SLC25A13: variants seen among roughly 807,000 people sequenced by gnomAD.
The protein encoded by SLC25A13 is solute carrier family 25 member 13, also known as electrogenic aspartate/glutamate antiporter SLC25A13, mitochondrial.
SLC25A13 carries 70 observed loss-of-function variants against 85.5 expected under a neutral mutation model. The observed-to-expected ratio is 0.82, with a 90% confidence interval of 0.68 to 1.00. The LOEUF is 1.00. Among genes scored for constraint, SLC25A13 ranks in the 50% least tolerant of loss-of-function variants. SLC25A13 has a pLI of 0.00. For synonymous variants in SLC25A13, 259 were observed against 288.7 expected, an observed-to-expected ratio of 0.90 and a Z score of 1.04; for missense variants, 765 against 819.8, an observed-to-expected ratio of 0.93 and a Z score of 0.82.
Position 96,133,858 on chromosome 7 carries a change from T to C in SLC25A13, c.1453-1977A>G, listed in dbSNP as rs1792145080. On this transcript the variant is annotated intron_variant, in intron 14 of 17. Transcript: ENST00000265631. The stretch of plus-strand genomic sequence containing the variant: ...AATCGCTTGAACCCGGAGGTGGAGG[T>C]TGTAGTGAGCTGAGATCATGCCACT... 2.0e-5 allele frequency among the ~76,000 whole-genome samples: 3 copies of C among 149,128 alleles called. No individual in the cohort carries two copies. The South Asian group carries it at 6.8e-4, about 34-fold the overall frequency.
At position 96,308,524 on chromosome 7, in the gene SLC25A13, T is replaced by C. The variant is rs575160883; in HGVS notation, c.16-11573A>G. 6.7e-4 allele frequency among the ~76,000 whole-genome samples: 102 copies of C among 152,340 alleles called. 1 individual carries two copies. Among genetic ancestry groups the C allele is most frequent in the African/African-American group, 2.4e-3 (98 of 41,582 alleles). On this transcript the variant is annotated intron_variant, in intron 1 of 17. Transcript: ENST00000265631. ...AGCAACAAAAATTAAACTGGCTCCC[T>C]ACCTTTCATCTTATACCAAAAGAAC...
chr7:96,151,098 G>T (rs1186810373), intron 13 of SLC25A13, among the ~76,000 whole-genome samples: 1 of 152,134 alleles, frequency 6.6e-6, no homozygotes, highest in Non-Finnish European at 1.5e-5. Context: ...GTGTGATTAG[G>T]ATTTTGGTAG....
intron 10 of SLC25A13, chr7:96,184,664 G>A (rs1794555300): frequency 4.7e-6 from 3 of 634,426 alleles, no homozygotes; most frequent in Non-Finnish European, 8.2e-6. Context: ...AAGGCACATT[G>A]CTACAGCCCA....
chr7:96,200,072 AG>A (rs1795196691), intron 5 of SLC25A13, among the ~76,000 whole-genome samples: 1 of 152,138 alleles, frequency 6.6e-6, no homozygotes, highest in Admixed American at 6.5e-5. Flanking sequence ...TATATTATAA[AG>A]CCAAAAATGC....
At chr7:96,192,899 AGT>A in intron 6 of SLC25A13, 136 bp downstream of exon 6, 1 of 940,842 alleles carries the variant, frequency 1.1e-6, no homozygotes. Flanking sequence ...TCTTTGTTTG[AGT>A]TTAGTAATGT....
At chr7:96,219,267 A>ATTC (rs1486285136) in intron 4 of SLC25A13, among the ~76,000 whole-genome samples, 1 of 152,182 alleles carries the variant, frequency 6.6e-6, no homozygotes, top group Non-Finnish European at 1.5e-5. Flanking sequence ...TATTATTATT[A>ATTC]TTCTGAACAT....
intron 3 of SLC25A13, among the ~76,000 whole-genome samples, chr7:96,273,872 A>C (rs1429008832): frequency 6.6e-6 from 1 of 152,212 alleles, no homozygotes; most frequent in Non-Finnish European, 1.5e-5. Context: ...TGAAAAAACA[A>C]CTAGATTTTC....
intron 4 of SLC25A13, among the ~76,000 whole-genome samples, chr7:96,221,972 T>C (rs1175366070): frequency 6.6e-6 from 1 of 152,228 alleles, no homozygotes; most frequent in Non-Finnish European, 1.5e-5. Context: ...GTTCTGTGGG[T>C]TTTGTTTAGT....
chr7:96,308,807 C>A (rs974799025), intron 1 of SLC25A13, among the ~76,000 whole-genome samples: 1 of 152,110 alleles, frequency 6.6e-6, no homozygotes, highest in African/African-American at 2.4e-5. Context: ...ATAGATAGGA[C>A]AAAGGGGCAA....
In SLC25A13 at chr7:96,184,443, TAAACAATATCATTATCTCAGAA is replaced by T; in HGVS notation, c.1019-30_1019-9del. 6.2e-7 allele frequency: 1 copy of T among 1,613,518 alleles called. No homozygotes were observed. Among genetic ancestry groups the T allele is most frequent in the Non-Finnish European group, 8.5e-7 (1 of 1,179,580 alleles). ...CAGCAGTGGCTCCAACAGCTAAAATTAAACAATATCATTATCTCAGAAGAAAGTAAGATAGGTCAGAAGAAAG... is the reference window on the plus strand; with the variant it reads ...CAGCAGTGGCTCCAACAGCTAAAATTGAAAGTAAGATAGGTCAGAAGAAAG... On this transcript the variant is annotated splice_polypyrimidine_tract_variant and intron_variant, in intron 10 of 17. Coordinates refer to ENST00000265631, the MANE Select transcript of SLC25A13 (RefSeq NM_014251.3).
At chr7:96,199,060 T>C (rs978017597) in intron 5 of SLC25A13, among the ~76,000 whole-genome samples, 2 of 152,242 alleles carry the variant, frequency 1.3e-5, no homozygotes, top group African/African-American at 4.8e-5. Context: ...GTGCATGCTA[T>C]GTCCCAGGGA....
intron 7 of SLC25A13, among the ~76,000 whole-genome samples, chr7:96,190,714 G>C: frequency 6.6e-6 from 1 of 152,056 alleles, no homozygotes; most frequent in East Asian, 1.9e-4. Flanking sequence ...CCAGGTTCAA[G>C]CGATTCTTCT....
At chr7:96,127,613 T>C (rs915898189) in intron 15 of SLC25A13, among the ~76,000 whole-genome samples, 4 of 152,206 alleles carry the variant, frequency 2.6e-5, no homozygotes, top group African/African-American at 7.2e-5. Flanking sequence ...TATCTAAACA[T>C]AGAAAGCGTG....
chr7:96,252,435 T>C (rs780107094), intron 3 of SLC25A13, among the ~76,000 whole-genome samples: 11 of 152,154 alleles, frequency 7.2e-5, no homozygotes, highest in Non-Finnish European at 1.5e-4. Context: ...CTCAGGAGCC[T>C]AGGTCAGGAC....
At chr7:96,198,304 G>T (rs1795137027) in intron 5 of SLC25A13, among the ~76,000 whole-genome samples, 1 of 152,158 alleles carries the variant, frequency 6.6e-6, no homozygotes, top group East Asian at 1.9e-4. Flanking sequence ...AAAAAACAGT[G>T]GCTTTGATTT....
intron 1 of SLC25A13, 35 bp from the exon 2 acceptor site, chr7:96,296,986 A>T (rs1280921390): frequency 6.4e-7 from 1 of 1,559,198 alleles, no homozygotes; most frequent in Admixed American, 1.7e-5. Context: ...ATGTTATTAC[A>T]ACAAAGCTGA....
intron 4 of SLC25A13, among the ~76,000 whole-genome samples, chr7:96,227,526 T>C (rs1796366852): frequency 6.6e-6 from 1 of 152,162 alleles, no homozygotes; most frequent in African/African-American, 2.4e-5. Flanking sequence ...TAACCAGATA[T>C]GACTTATAAA....
At chr7:96,206,549 A>C (rs1795468718) in intron 5 of SLC25A13, among the ~76,000 whole-genome samples, 1 of 152,216 alleles carries the variant, frequency 6.6e-6, no homozygotes, top group African/African-American at 2.4e-5. Flanking sequence ...TGGTCCATCC[A>C]TTAATTCCTA....
At chr7:96,167,875 G>A (rs184346867) in intron 13 of SLC25A13, among the ~76,000 whole-genome samples, 144 of 152,156 alleles carry the variant, frequency 9.5e-4, no homozygotes, top group African/African-American at 3.0e-3. Context: ...CAAGGCAGGC[G>A]GATCACGAGG....
Sources: gnomAD v4.1 joint callset for allele counts (sites outside exome capture counted in the v4.1 genomes callset) on GRCh38, gnomAD v4.1.1 for gene constraint, MANE v1.5 for transcripts, NCBI Gene and HGNC (gene_info 2026-07-23, HGNC 2026-07-21) for gene names.